The following PCDHGA11 variants were observed in gnomAD, a reference collection of about 807,000 sequenced individuals.
PCDHGA11 encodes the protein protocadherin gamma-A11.
A neutral mutation model predicts 60.4 loss-of-function variants in PCDHGA11; 39 were observed. The ratio of observed to expected loss-of-function variants is 0.65; its 90% confidence interval spans 0.50 to 0.84. PCDHGA11 has a LOEUF of 0.84. Among genes scored for constraint, PCDHGA11 ranks in the 40% least tolerant of loss-of-function variants. The probability of loss-of-function intolerance (pLI) is 0.00; values close to 1 mark genes in which losing one functional copy is unlikely to be tolerated. For synonymous variants in PCDHGA11, 533 were observed against 510.3 expected (o/e 1.04, Z -0.60); for missense variants, 1,165 against 1,197.7 (o/e 0.97, Z 0.40).
Position 141,491,910 on chromosome 5 carries a change from G to A in PCDHGA11, c.2434-2897G>A, listed in dbSNP as rs946745903. 1.4e-5 allele frequency: 19 copies of A among 1,406,944 alleles called. No individual in the cohort carries two copies. The South Asian group carries it at 2.6e-4, about 19-fold the overall frequency. 87.2% of individuals were successfully genotyped at this position (1,406,944 alleles called of 1,614,324 possible). On this transcript the variant is annotated intron_variant, in intron 1 of 3. Transcript: ENST00000398587. This position sits in a 1 kb window ranked among gnomAD's most constrained non-coding sequence, Gnocchi z 6.9. ...GGCTCCGAGCACCGGGGGTGGTGGCGACTGTGGGCGAGGGGAGGTGGGACC... is the reference window on the plus strand; with the variant it reads ...GGCTCCGAGCACCGGGGGTGGTGGCAACTGTGGGCGAGGGGAGGTGGGACC...
At chr5:141,460,047 C>T (rs2098981053) in intron 1 of PCDHGA11, among the ~76,000 whole-genome samples, 1 of 152,102 alleles carries the variant, frequency 6.6e-6, no homozygotes. Context: ...CACTGCACTC[C>T]AGCCTGGGCA....
intron 1 of PCDHGA11, chr5:141,478,866 C>T (rs1392885307): frequency 1.5e-6 from 2 of 1,304,352 alleles, no homozygotes; most frequent in Non-Finnish European, 2.0e-6. Flanking sequence ...TCTCAGCGAT[C>T]AGAGTTTAGC....
intron 1 of PCDHGA11, among the ~76,000 whole-genome samples, chr5:141,472,862 T>C (rs770564770): frequency 1.3e-5 from 2 of 150,322 alleles, no homozygotes; most frequent in South Asian, 4.2e-4. Flanking sequence ...GGCACATGCC[T>C]GTATTCCCAG....
rs781591902 is a variant in PCDHGA11, at chr5:141,477,086, G to A, written c.2434-17721G>A. The A allele has an allele frequency of 1.1e-5, 18 of 1,614,128 alleles. No individual in the cohort carries two copies. In the East Asian group the frequency reaches 3.8e-4, roughly 34 times the overall value. The stretch of plus-strand genomic sequence containing the variant: ...CAAACTCCATGAGATTTACATCCAG[G>A]CCAAAGACAAGGGCGCCAATCCCGA... On this transcript the variant is annotated intron_variant, in intron 1 of 3. Coordinates refer to ENST00000398587, the MANE Select transcript of PCDHGA11 (RefSeq NM_018914.3). The surrounding 1 kb of genome is among the most constrained non-coding windows in gnomAD (Gnocchi z 4.9).
In PCDHGA11 at chr5:141,421,665, C is replaced by T; in HGVS notation, c.438C>T (p.His146=). The T allele has an allele frequency of 6.2e-7, 1 of 1,613,854 alleles. No individual in the cohort carries two copies. Among genetic ancestry groups the T allele is most frequent in the African/African-American group, 1.3e-5 (1 of 75,056 alleles). ...EDEVEIKVSE[H]AIPGARFALP... Reference sequence around the variant, plus strand: ...AAGTGGAGATAAAAGTCAGTGAGCACGCAATTCCTGGGGCGCGATTTGCTC... The same window carrying T: ...AAGTGGAGATAAAAGTCAGTGAGCATGCAATTCCTGGGGCGCGATTTGCTC... The change falls in exon 1 of 4, where the codon CAC becomes CAT. Residue 146 remains histidine (H), a synonymous_variant. Coordinates refer to ENST00000398587, the MANE Select transcript of PCDHGA11 (RefSeq NM_018914.3).
At position 141,485,149 on chromosome 5, in the gene PCDHGA11, A is replaced by G; in HGVS notation, c.2434-9658A>G. 6.3e-7 allele frequency: 1 copy of G among 1,578,106 alleles called. No individual in the cohort carries two copies. Among genetic ancestry groups the G allele is most frequent in the South Asian group, 1.1e-5 (1 of 89,070 alleles). ...CGGCTTCATCCGCGTCTCAGGAGCA[A>G]GTAGAGAATTAGCGGGCGGCAGCAA... On this transcript the variant is annotated intron_variant, in intron 1 of 3. Transcript: ENST00000398587. This position sits in a 1 kb window ranked among gnomAD's most constrained non-coding sequence, Gnocchi z 5.7.
At position 141,431,020 on chromosome 5, in the gene PCDHGA11, G is replaced by T. The variant is rs941765907; in HGVS notation, c.2433+7360G>T. ...CGCGCAGCGGCAGCTTGGTCACGGCGGGCAGGATAGACCGGGAGGAGCTCT... is the reference window on the plus strand; with the variant it reads ...CGCGCAGCGGCAGCTTGGTCACGGCTGGCAGGATAGACCGGGAGGAGCTCT... On this transcript the variant is annotated intron_variant, in intron 1 of 3. Coordinates refer to ENST00000398587, the MANE Select transcript of PCDHGA11 (RefSeq NM_018914.3). This position sits in a 1 kb window ranked among gnomAD's most constrained non-coding sequence, Gnocchi z 4.8. 2.5e-6 allele frequency: 4 copies of T among 1,614,050 alleles called. No homozygotes were observed. The East Asian group carries it at 8.9e-5, about 36-fold the overall frequency.
intron 1 of PCDHGA11, chr5:141,478,642 T>C (rs777741719): frequency 6.4e-7 from 1 of 1,552,350 alleles, no homozygotes; most frequent in Non-Finnish European, 8.7e-7. Context: ...GTGATGAAGA[T>C]GTTTTCCTGG....
intron 1 of PCDHGA11, among the ~76,000 whole-genome samples, chr5:141,484,837 T>C (rs1289449270): frequency 6.6e-6 from 1 of 151,620 alleles, no homozygotes; most frequent in Non-Finnish European, 1.5e-5. Context: ...GGCGAAAAGA[T>C]AGGCTGGGTT....
intron 1 of PCDHGA11, chr5:141,478,623 G>GT (rs1337268572): frequency 1.3e-5 from 20 of 1,554,356 alleles, no homozygotes; most frequent in Admixed American, 3.9e-5. Flanking sequence ...GAATGGAGCT[G>GT]TTTTTTTAGT....
chr5:141,502,470 G>A (rs1017558920), intron 2 of PCDHGA11, among the ~76,000 whole-genome samples: 5 of 150,916 alleles, frequency 3.3e-5, no homozygotes, highest in Admixed American at 2.6e-4. Flanking sequence ...AATACTTCCC[G>A]CAGCATCACA....
Position 141,490,157 on chromosome 5 carries a change from G to T in PCDHGA11, c.2434-4650G>T. 1 of 1,614,210 alleles carries T rather than the reference G, an allele frequency of 6.2e-7. No homozygotes were observed. The highest frequency in any genetic ancestry group is 8.5e-7 in the Non-Finnish European group (1 of 1,180,038). On this transcript the variant is annotated intron_variant, in intron 1 of 3. Transcript: ENST00000398587. This position sits in a 1 kb window ranked among gnomAD's most constrained non-coding sequence, Gnocchi z 5.4. ...AGCAGTGGGGCAATCCATGTGTTGGGTCCCATAGACTTTGAGGAGTCACGT... is the reference window on the plus strand; with the variant it reads ...AGCAGTGGGGCAATCCATGTGTTGGTTCCCATAGACTTTGAGGAGTCACGT...
chr5:141,491,071 C>T lies in PCDHGA11; in HGVS notation c.2434-3736C>T, dbSNP rs987564933. 1 of 1,614,152 alleles carries T rather than the reference C, an allele frequency of 6.2e-7. No individual in the cohort carries two copies. Among genetic ancestry groups the T allele is most frequent in the Non-Finnish European group, 8.5e-7 (1 of 1,180,028 alleles). ...TGCGTGGCTCTCCTACTCACTGTTGCCACAGTCCACAGCCCCAGGACTGTT... is the reference window on the plus strand; with the variant it reads ...TGCGTGGCTCTCCTACTCACTGTTGTCACAGTCCACAGCCCCAGGACTGTT... On this transcript the variant is annotated intron_variant, in intron 1 of 3. Transcript: ENST00000398587. This position sits in a 1 kb window ranked among gnomAD's most constrained non-coding sequence, Gnocchi z 6.9.
At chr5:141,430,115 A>G (rs930805574) in intron 1 of PCDHGA11, among the ~76,000 whole-genome samples, 1 of 152,194 alleles carries the variant, frequency 6.6e-6, no homozygotes, top group Non-Finnish European at 1.5e-5. Context: ...CATGTCAACA[A>G]CCTGGTAAAG....
Position 141,486,880 on chromosome 5 carries a change from G to T in PCDHGA11, c.2434-7927G>T. On this transcript the variant is annotated intron_variant, in intron 1 of 3. Transcript: ENST00000398587. The surrounding 1 kb of genome is among the most constrained non-coding windows in gnomAD (Gnocchi z 5.0). The stretch of plus-strand genomic sequence containing the variant: ...ATGCTCCAGCTGTGCTCCGTCCTCG[G>T]GCCCGGCCTGGTTCCTTATGTCCCC... The T allele has an allele frequency of 6.2e-7, 1 of 1,614,212 alleles. No homozygotes were observed. Among genetic ancestry groups the T allele is most frequent in the East Asian group, 2.2e-5 (1 of 44,882 alleles).
Position 141,490,532 on chromosome 5 carries a change from C to T in PCDHGA11, c.2434-4275C>T. Reference sequence around the variant, plus strand: ...GAGCTGCTGGCCAGCGATGCTGGTTCACCTTCCCTACACAAACATCTCACC... The same window carrying T: ...GAGCTGCTGGCCAGCGATGCTGGTTTACCTTCCCTACACAAACATCTCACC... On this transcript the variant is annotated intron_variant, in intron 1 of 3. Coordinates refer to ENST00000398587, the MANE Select transcript of PCDHGA11 (RefSeq NM_018914.3). This position sits in a 1 kb window ranked among gnomAD's most constrained non-coding sequence, Gnocchi z 5.4. 6.2e-7 allele frequency: 1 copy of T among 1,614,142 alleles called. No homozygotes were observed. Among genetic ancestry groups the T allele is most frequent in the Non-Finnish European group, 8.5e-7 (1 of 1,180,030 alleles).
intron 1 of PCDHGA11, among the ~76,000 whole-genome samples, chr5:141,449,594 A>T (rs2098647409): frequency 6.6e-6 from 1 of 150,814 alleles, no homozygotes; most frequent in Non-Finnish European, 1.5e-5. Context: ...GTCTCAAAAA[A>T]AAAAAAAAAA....
Position 141,431,423 on chromosome 5 carries a change from C to A in PCDHGA11, c.2433+7763C>A, listed in dbSNP as rs868299769. 20 of 1,613,552 alleles carry A rather than the reference C, an allele frequency of 1.2e-5. No individual in the cohort carries two copies. In the Admixed American group the frequency reaches 2.2e-4, roughly 17 times the overall value. ...GGCCTCCGACGGGGGCGACCCGGTG[C>A]GCACAGGCACCGCGCGCATCCGCGT... On this transcript the variant is annotated intron_variant, in intron 1 of 3. Coordinates refer to ENST00000398587, the MANE Select transcript of PCDHGA11 (RefSeq NM_018914.3). The surrounding 1 kb of genome is among the most constrained non-coding windows in gnomAD (Gnocchi z 4.8).
chr5:141,444,151 G>T (rs1031944414), intron 1 of PCDHGA11, among the ~76,000 whole-genome samples: 1 of 92,746 alleles, frequency 1.1e-5, no homozygotes, highest in Non-Finnish European at 2.1e-5. Flanking sequence ...GTGTGTACTG[G>T]ATTTTTTTTT....
Sources: gnomAD v4.1 joint callset for allele counts (sites outside exome capture counted in the v4.1 genomes callset) on GRCh38, gnomAD v4.1.1 for gene constraint, Gnocchi (gnomAD v3.1) non-coding constraint, MANE v1.5 for transcripts, NCBI Gene and HGNC (gene_info 2026-07-23, HGNC 2026-07-21) for gene names.